Variants in COL4A1 observed in about 807,000 individuals in gnomAD.
COL4A1 encodes the protein collagen alpha-1(IV) chain.
In COL4A1, 40 loss-of-function variants were observed where a neutral mutation model predicts 216.6. The observed-to-expected ratio is 0.18, with a 90% CI of 0.14 to 0.24. The LOEUF (loss-of-function observed/expected upper bound fraction) is 0.24. Among genes scored for constraint, COL4A1 ranks in the 10% least tolerant of loss-of-function variants. The pLI is 1.00. For synonymous variants in COL4A1, 839 were observed against 810.7 expected (o/e 1.03, Z -0.59); for missense variants, 1,628 against 2,196.8 (o/e 0.74, Z 5.18).
Position 110,211,627 on chromosome 13 carries a change from CAAAAT to C in COL4A1, c.468+15_468+19del, listed in dbSNP as rs3832900. The C allele has an allele frequency of 0.024, 38,667 of 1,609,704 alleles. 1,293 individuals carry two copies. The highest frequency in any genetic ancestry group is 0.11 in the African/African-American group (8,390 of 74,736). ...ATTCCCTGTAATGAATCCAATAAAG[CAAAAT>C]AAAATAAAATGTACCTTCATCCCTG... On this transcript the variant is annotated intron_variant, in intron 8 of 51. Coordinates refer to ENST00000375820, the MANE Select transcript of COL4A1 (RefSeq NM_001845.6). The surrounding 1 kb of genome is among the most constrained non-coding windows in gnomAD (Gnocchi z 4.3).
chr13:110,281,571 CT>C (rs1883635457), intron 1 of COL4A1, among the ~76,000 whole-genome samples: 1 of 151,986 alleles, frequency 6.6e-6, no homozygotes. Context: ...ACTATGGGGG[CT>C]CACACAGAAA....
chr13:110,165,053 T>A, intron 45 of COL4A1, 63 bp from the exon 46 acceptor site: 1 of 1,571,878 alleles, frequency 6.4e-7, no homozygotes, highest in Non-Finnish European at 8.6e-7. Context: ...GAAACAACTT[T>A]AGAAGGAGAA....
chr13:110,250,217 A>G (rs1281824020), intron 1 of COL4A1, among the ~76,000 whole-genome samples: 5 of 151,390 alleles, frequency 3.3e-5, no homozygotes, highest in South Asian at 2.1e-4. Context: ...AAAAAAAAAA[A>G]GCACAAAAAA....
rs1877802151 is a variant in COL4A1 at position 110,174,737 on chromosome 13, T to A, written c.3211A>T (p.Ile1071Leu). Reference protein sequence around the residue: ...GLRGEKGDQGIAGFPGSPGEK... With the variant: ...GLRGEKGDQGLAGFPGSPGEK... ...CCAGGGCTTCCTGGGAAACCCGCTA[T>A]CCCTTGATCTCCCTGCAAGTAAAAG... The change falls in exon 38 of 52, where the codon ATA becomes TTA. Residue 1071 changes from isoleucine to leucine, a missense_variant. Transcript: ENST00000375820. 2 of 1,613,496 alleles carry A rather than the reference T, an allele frequency of 1.2e-6. No individual in the cohort carries two copies. Among genetic ancestry groups the A allele is most frequent in the East Asian group, 4.5e-5 (2 of 44,870 alleles).
chr13:110,179,231 C>T (rs1456422016), intron 30 of COL4A1, 40 bp downstream of exon 30: 5 of 1,613,178 alleles, frequency 3.1e-6, no homozygotes, highest in Non-Finnish European at 4.2e-6. Flanking sequence ...TAAGCACATC[C>T]TGTCCTCGAA....
chr13:110,196,207 T>G (rs1417675834), intron 21 of COL4A1, among the ~76,000 whole-genome samples: 7 of 152,126 alleles, frequency 4.6e-5, no homozygotes, highest in Non-Finnish European at 1.0e-4. Context: ...TTTCCCTGAG[T>G]TTCTCCCCAC....
Position 110,205,863 on chromosome 13 carries a change from A to G in COL4A1, c.859-325T>C, listed in dbSNP as rs1326043603. ...GGGCAACAGAGTGAGACTCTGTCTC[A>G]AATATATATATATGTATATATATAT... is the stretch of plus-strand genomic sequence containing the variant. On this transcript the variant is annotated intron_variant, in intron 15 of 51. Coordinates refer to ENST00000375820, the MANE Select transcript of COL4A1 (RefSeq NM_001845.6). Among the ~76,000 whole-genome samples the G allele has an allele frequency of 2.0e-5, 3 of 151,990 alleles. No individual in the cohort carries two copies. In the East Asian group the frequency reaches 5.8e-4, roughly 29 times the overall value.
intron 49 of COL4A1, chr13:110,160,918 AGGCT>A (rs1877052596): frequency 4.4e-6 from 2 of 456,322 alleles, no homozygotes; most frequent in East Asian, 8.8e-5. Flanking sequence ...CATCTTGCCC[AGGCT>A]GGTCTTGAAC....
rs1883530062 is a variant in COL4A1, at chr13:110,279,101, T to C, written c.84+27843A>G. Among the ~76,000 whole-genome samples, 7 of 152,084 alleles carry C rather than the reference T, an allele frequency of 4.6e-5. No homozygotes were observed. The South Asian group carries it at 1.5e-3, about 32-fold the overall frequency. On this transcript the variant is annotated intron_variant, in intron 1 of 51. Transcript: ENST00000375820. ...GAGTCGGCCACAGGTGCTCTCAATG[T>C]CCTACTGTTTTTTATGTTTCTACCT...
intron 1 of COL4A1, among the ~76,000 whole-genome samples, chr13:110,283,769 G>C (rs1883731048): frequency 6.6e-6 from 1 of 152,200 alleles, no homozygotes. Flanking sequence ...ACCATACTAA[G>C]CCAGGCCTTA....
chr13:110,169,079 C>T (rs1353420272), intron 43 of COL4A1, among the ~76,000 whole-genome samples: 1 of 151,532 alleles, frequency 6.6e-6, no homozygotes, highest in Non-Finnish European at 1.5e-5. Context: ...GGCTGCTGGT[C>T]ACTTATTGCA....
chr13:110,293,256 C>G (rs574331902), intron 1 of COL4A1, among the ~76,000 whole-genome samples: 1 of 152,126 alleles, frequency 6.6e-6, no homozygotes, highest in African/African-American at 2.4e-5. Flanking sequence ...TGTTTCTGGA[C>G]GTCTGCAGGC....
chr13:110,284,343 C>T (rs1883755984), intron 1 of COL4A1, among the ~76,000 whole-genome samples: 1 of 152,136 alleles, frequency 6.6e-6, no homozygotes, highest in Non-Finnish European at 1.5e-5. Flanking sequence ...CTAATGTGAC[C>T]CCCACAGCTT....
chr13:110,269,304 A>C (rs1883156875), intron 1 of COL4A1, among the ~76,000 whole-genome samples: 1 of 152,212 alleles, frequency 6.6e-6, no homozygotes, highest in South Asian at 2.1e-4. Context: ...AAAATGTAGA[A>C]TAAGTAAACT....
chr13:110,245,632 C>T (rs1413338955), intron 1 of COL4A1, among the ~76,000 whole-genome samples: 4 of 152,176 alleles, frequency 2.6e-5, no homozygotes, highest in Non-Finnish European at 4.4e-5. Flanking sequence ...ATCTCAGAAG[C>T]TTTATCTTTC....
intron 1 of COL4A1, among the ~76,000 whole-genome samples, chr13:110,285,599 T>G (rs1566444146): frequency 6.6e-6 from 1 of 152,168 alleles, no homozygotes; most frequent in Non-Finnish European, 1.5e-5. Flanking sequence ...AGATGAACAT[T>G]TGAACTGGTG....
At chr13:110,219,644 G>GAA (rs768271318) in intron 2 of COL4A1, among the ~76,000 whole-genome samples, 162 of 114,442 alleles carry the variant, frequency 1.4e-3, no homozygotes, top group Middle Eastern at 5.1e-3. Context: ...ATTGTAAGTT[G>GAA]AAAATATATA....
At chr13:110,251,274 C>G (rs962976430) in intron 1 of COL4A1, among the ~76,000 whole-genome samples, 2 of 152,222 alleles carry the variant, frequency 1.3e-5, no homozygotes, top group African/African-American at 4.8e-5. Context: ...ATGTGGGCTT[C>G]TGCCTTCACT....
chr13:110,302,652 G>A (rs768472907), intron 1 of COL4A1, among the ~76,000 whole-genome samples: 1 of 152,226 alleles, frequency 6.6e-6, no homozygotes, highest in African/African-American at 2.4e-5. Flanking sequence ...GACTATCAAA[G>A]TCTTCACCCC....
Sources: gnomAD v4.1 joint callset for allele counts (sites outside exome capture counted in the v4.1 genomes callset) on GRCh38, gnomAD v4.1.1 for gene constraint, Gnocchi (gnomAD v3.1) non-coding constraint, MANE v1.5 for transcripts, NCBI Gene and HGNC (gene_info 2026-07-23, HGNC 2026-07-21) for gene names.